SYTL2: variants seen among roughly 807,000 people sequenced by gnomAD.
The protein encoded by SYTL2 is synaptotagmin-like protein 2.
A neutral mutation model predicts 198.7 loss-of-function variants in SYTL2; 165 were observed. That is an observed-to-expected ratio of 0.83 (90% CI 0.73 to 0.94). The LOEUF (loss-of-function observed/expected upper bound fraction) is 0.94, where lower values mean the gene tolerates loss of function less well. SYTL2 is among the 40% of genes least tolerant of loss of function. The probability of loss-of-function intolerance (pLI) is 0.00; values close to 1 mark genes in which losing one functional copy is unlikely to be tolerated. For missense variants in SYTL2, 2,835 were observed against 2,582.8 expected, an observed-to-expected ratio of 1.10 and a Z score of -2.12; for synonymous variants, 966 against 917.7, an observed-to-expected ratio of 1.05 and a Z score of -0.95.
At chr11:85,783,364 C>T (rs946781559) in intron 1 of SYTL2, among the ~76,000 whole-genome samples, 2 of 152,130 alleles carry the variant, frequency 1.3e-5, no homozygotes, top group Non-Finnish European at 2.9e-5. Context: ...TCAATTACCT[C>T]CCATCAAGTC....
intron 2 of SYTL2, among the ~76,000 whole-genome samples, chr11:85,752,945 A>C (rs911556686): frequency 2.8e-5 from 4 of 142,434 alleles, no homozygotes; most frequent in Non-Finnish European, 6.1e-5. Flanking sequence ...AAAAAAAAAA[A>C]AAAAAACACA....
At chr11:85,746,417 T>A (rs1591865073) in intron 3 of SYTL2, among the ~76,000 whole-genome samples, 1 of 152,212 alleles carries the variant, frequency 6.6e-6, no homozygotes. Context: ...TGAACATCTC[T>A]GATAATTAGC....
intron 1 of SYTL2, among the ~76,000 whole-genome samples, chr11:85,806,765 G>T (rs1380667973): frequency 6.6e-6 from 1 of 152,168 alleles, no homozygotes; most frequent in African/African-American, 2.4e-5. Flanking sequence ...CTTCAACTTG[G>T]GAAACCATGA....
At chr11:85,795,088 A>C (rs540453742) in intron 1 of SYTL2, among the ~76,000 whole-genome samples, 1 of 152,296 alleles carries the variant, frequency 6.6e-6, no homozygotes, top group South Asian at 2.1e-4. Context: ...TTGTGTTATA[A>C]GGATTACATG....
the SYTL2 span, among the ~76,000 whole-genome samples, chr11:85,831,268 A>G: frequency 2.0e-5 from 3 of 152,318 alleles, no homozygotes; most frequent in Admixed American, 1.3e-4. Flanking sequence ...CATTATGCAG[A>G]TTTTTCAGGG....
chr11:85,755,860 A>G (rs1353115607), intron 2 of SYTL2, among the ~76,000 whole-genome samples: 1 of 152,098 alleles, frequency 6.6e-6, no homozygotes, highest in Non-Finnish European at 1.5e-5. Context: ...ACACCTCCTG[A>G]GCAGAAGGAA....
intron 8 of SYTL2, among the ~76,000 whole-genome samples, chr11:85,722,986 C>G (rs540807635): frequency 2.4e-4 from 37 of 152,204 alleles, no homozygotes; most frequent in Non-Finnish European, 4.9e-4. Flanking sequence ...AGGAGCTAAA[C>G]AAATGACAAA....
chr11:85,747,231 G>A (rs1175216641), intron 3 of SYTL2, among the ~76,000 whole-genome samples: 1 of 151,652 alleles, frequency 6.6e-6, no homozygotes, highest in Non-Finnish European at 1.5e-5. Flanking sequence ...GAGGCAGGAA[G>A]ATTGCTTGAG....
chr11:85,697,871 CATTT>C, intron 18 of SYTL2, 104 bp downstream of exon 18: 1 of 657,848 alleles, frequency 1.5e-6, no homozygotes, highest in Non-Finnish European at 2.6e-6. Context: ...CAAGTAAATT[CATTT>C]AAATTATGAA....
Position 85,734,176 on chromosome 11 carries a change from A to G in SYTL2, c.1153T>C (p.Ser385Pro). 6.2e-7 allele frequency: 1 copy of G among 1,614,140 alleles called. No homozygotes were observed. The highest frequency in any genetic ancestry group is 8.5e-7 in the Non-Finnish European group (1 of 1,180,004). The change falls in exon 7 of 20, where the codon TCT becomes CCT. Residue 385 changes from serine (S) to proline (P), a missense_variant. Physicochemically the swap from Ser to Pro is moderately conservative, Grantham distance 74 (BLOSUM62 -1). Around this residue, in one of 3 missense-constraint regions of SYTL2, gnomAD observed 2,645 missense variants for 2,381.7 expected, o/e 1.11. Transcript: ENST00000359152. ...AAAAGCGAAGGCTTTCTGTATTGAG[A>G]AGGCTTAGGGTCACTCTGAAACTCT... ...TEEFQSDPKP[S>P]QYRKPSLFHQ...
chr11:85,707,471 T>C lies in SYTL2; in HGVS notation c.5976A>G (p.Val1992=). Residue 1992 remains valine, a synonymous_variant, in exon 15 of 20, where the codon GTA becomes GTG. Transcript: ENST00000359152. The part of the protein sequence containing the change: ...KGKMGKKKTL[V]VKKTLNPVYN... ...ACACAGGATTCAAGGTTTTCTTCAC[T>C]ACGAGTGTTTTCTTCTTGCCCATTT... The C allele has an allele frequency of 6.2e-7, 1 of 1,614,102 alleles. No individual in the cohort carries two copies. Among genetic ancestry groups the C allele is most frequent in the Non-Finnish European group, 8.5e-7 (1 of 1,179,972 alleles).
Position 85,764,447 on chromosome 11 carries a change from A to G in SYTL2, c.-389-6333T>C, listed in dbSNP as rs1026713013. On this transcript the variant is annotated intron_variant, in intron 1 of 19. Coordinates refer to ENST00000359152, the MANE Select transcript of SYTL2 (RefSeq NM_206927.4). The stretch of plus-strand genomic sequence containing the variant: ...TTGCCTAAGGCTACTCAACCAGGAT[A>G]TGATTTGAACCCAAGTCTTCAGATT... 4.6e-5 allele frequency among the ~76,000 whole-genome samples: 7 copies of G among 152,368 alleles called. No individual in the cohort carries two copies. In the East Asian group the frequency reaches 9.6e-4, roughly 21 times the overall value.
chr11:85,731,762 A>G (rs933030796), intron 7 of SYTL2, among the ~76,000 whole-genome samples: 1 of 152,196 alleles, frequency 6.6e-6, no homozygotes, highest in Non-Finnish European at 1.5e-5. Context: ...GAGCTTCTTC[A>G]TAGCAAAAGA....
At chr11:85,721,159 T>C (rs989006408) in intron 8 of SYTL2, among the ~76,000 whole-genome samples, 200 bp from the exon 9 acceptor site, 1 of 152,130 alleles carries the variant, frequency 6.6e-6, no homozygotes, top group African/African-American at 2.4e-5. Flanking sequence ...GGTCAAGAAA[T>C]ATTTGCAAAC....
the SYTL2 span, among the ~76,000 whole-genome samples, chr11:85,841,378 G>A: frequency 3.9e-5 from 6 of 152,218 alleles, no homozygotes; most frequent in East Asian, 9.6e-4. Flanking sequence ...GCATATGTTC[G>A]TTGCAGCACT....
At chr11:85,818,696 T>TCTATCTATCTAC in the SYTL2 span, among the ~76,000 whole-genome samples, 1 of 144,298 alleles carries the variant, frequency 6.9e-6, no homozygotes, top group Non-Finnish European at 1.5e-5. Flanking sequence ...TATCTACCTA[T>TCTATCTATCTAC]CTATTTATTT....
At chr11:85,841,243 A>G in the SYTL2 span, among the ~76,000 whole-genome samples, 1 of 152,260 alleles carries the variant, frequency 6.6e-6, no homozygotes, top group Admixed American at 6.5e-5. Flanking sequence ...TAGTTCAACC[A>G]TTGTAGAAGA....
rs897371215 is a variant in SYTL2, at chr11:85,734,442, G to T, written c.887C>A (p.Pro296His). 3.1e-6 allele frequency: 5 copies of T among 1,614,172 alleles called. No homozygotes were observed. The highest frequency in any genetic ancestry group is 4.2e-6 in the Non-Finnish European group (5 of 1,180,036). The change falls in exon 7 of 20, where the codon CCC becomes CAC. Residue 296 changes from proline (P) to histidine (H), a missense_variant. Physicochemically the swap from Pro to His is moderately conservative, Grantham distance 77. Transcript: ENST00000359152. ...ETLRYNHNFEPKSKIVSPGLT... is the reference protein window; with the variant it reads ...ETLRYNHNFEHKSKIVSPGLT... Reference sequence around the variant, plus strand: ...GCCAGGTGACACAATTTTGCTTTTGGGTTCAAAGTTGTGATTATAACGAAG... The same window carrying T: ...GCCAGGTGACACAATTTTGCTTTTGTGTTCAAAGTTGTGATTATAACGAAG...
At chr11:85,802,912 T>G (rs1366193304) in intron 1 of SYTL2, among the ~76,000 whole-genome samples, 1 of 152,218 alleles carries the variant, frequency 6.6e-6, no homozygotes, top group African/African-American at 2.4e-5. Flanking sequence ...AATTCAAGCT[T>G]ATCTTATTCC....
Sources: allele counts gnomAD v4.1 joint callset (sites outside exome capture counted in the v4.1 genomes callset), GRCh38; gene constraint gnomAD v4.1.1; regional missense constraint gnomAD v4.1.1; transcripts MANE v1.5; gene names NCBI Gene and HGNC (gene_info 2026-07-23, HGNC 2026-07-21).